The following PRADC1 variants were observed in gnomAD, a reference collection of about 807,000 sequenced individuals.
PRADC1 encodes the protein protease associated domain containing 1, also known as protease-associated domain-containing protein 1.
Under a neutral mutation model 22.9 loss-of-function variants are expected in PRADC1, and 23 were observed. That is an observed-to-expected ratio of 1.00 (90% CI 0.72 to 1.42). The LOEUF is 1.42. Among genes scored for constraint, PRADC1 ranks in the 40% most tolerant of loss-of-function variants. The pLI is 0.00. For missense variants in PRADC1, 207 were observed against 258.3 expected (o/e 0.80, Z 1.36); for synonymous variants, 71 against 100.3 (o/e 0.71, Z 1.75).
In PRADC1 at chr2:73,231,362, AC is replaced by A. The variant is rs748954647; in HGVS notation, c.68-1150del. ...TCTCTATCTCCTGACCTCGTGATCC[AC>A]CCGCCTGGGCCTTCCAAAGTGCTGG... On this transcript the variant is annotated intron_variant, in intron 1 of 4. Transcript: ENST00000258083. 7.3e-5 allele frequency among the ~76,000 whole-genome samples: 11 copies of A among 151,464 alleles called. No homozygotes were observed. The East Asian group carries it at 2.0e-3, about 27-fold the overall frequency.
intron 2 of PRADC1, 92 bp from the exon 3 acceptor site, chr2:73,229,662 A>G: frequency 5.3e-6 from 5 of 943,722 alleles, no homozygotes; most frequent in Non-Finnish European, 8.5e-6. Flanking sequence ...TTGGCACCTT[A>G]TAAAGTGTGA....
intron 1 of PRADC1, 50 bp from the exon 2 acceptor site, chr2:73,230,263 C>T (rs745610274): frequency 7.3e-7 from 1 of 1,365,578 alleles, no homozygotes; most frequent in Non-Finnish European, 1.0e-6. Context: ...CAAGCTGGTT[C>T]AGGTTCAGAT....
rs570411478 is a variant in PRADC1, at chr2:73,233,176, C to T, written c.-16G>A. 3.2e-3 allele frequency: 4,377 copies of T among 1,361,180 alleles called. 120 individuals are homozygous for T. The African/African-American group carries it at 0.058, about 18-fold the overall frequency. The allele number at this position is 1,361,180 out of a possible 1,614,324, so 84.3% of individuals were successfully genotyped here. On this transcript the variant is annotated 5_prime_UTR_variant, in exon 1 of 5. Transcript: ENST00000258083. ...CGGGGACCATCTCCAGGGCCGGGCCCGGCCCGGCGCCGCGTTTCCTCTCGC... is the reference window on the plus strand; with the variant it reads ...CGGGGACCATCTCCAGGGCCGGGCCTGGCCCGGCGCCGCGTTTCCTCTCGC...
rs948083007 is a variant in PRADC1 at position 73,233,222 on chromosome 2, G to C, written c.-62C>G. The C allele has an allele frequency of 3.5e-6, 4 of 1,138,724 alleles. No homozygotes were observed. The highest frequency in any genetic ancestry group is 4.6e-6 in the Non-Finnish European group (4 of 862,304). The allele number at this position is 1,138,724 out of a possible 1,614,324, so 70.5% of individuals were successfully genotyped here. A position where few individuals can be genotyped will look rare whatever the true frequency, so the allele number is the denominator to read the frequency against. Reference sequence around the variant, plus strand: ...CTCGCCGCCCCGCCGCGCGTCGCTCGCAGGACTTCAGCCTGACAGCTGCTC... The same window carrying C: ...CTCGCCGCCCCGCCGCGCGTCGCTCCCAGGACTTCAGCCTGACAGCTGCTC... On this transcript the variant is annotated 5_prime_UTR_variant, in exon 1 of 5. Coordinates refer to ENST00000258083, the MANE Select transcript of PRADC1 (RefSeq NM_032319.3).
chr2:73,230,942 A>C (rs1333021128), intron 1 of PRADC1, among the ~76,000 whole-genome samples: 1 of 151,848 alleles, frequency 6.6e-6, no homozygotes, highest in Admixed American at 6.6e-5. Context: ...CTCCCACGCC[A>C]CCCTACTTCC....
chr2:73,230,224 A>G lies in PRADC1; in HGVS notation c.68-11T>C. On this transcript the variant is annotated splice_polypyrimidine_tract_variant and intron_variant, in intron 1 of 4. Transcript: ENST00000258083. ...CATGGATACGGAAGCCTGAAGGATA[A>G]AGAGTACAGGTAAGAAGCCTCCCAG... 1.9e-6 allele frequency: 3 copies of G among 1,599,476 alleles called. No individual in the cohort carries two copies. The highest frequency in any genetic ancestry group is 2.6e-6 in the Non-Finnish European group (3 of 1,166,762).
At chr2:73,229,678 A>C (rs1406172676) in intron 2 of PRADC1, 108 bp from the exon 3 acceptor site, 1 of 832,654 alleles carries the variant, frequency 1.2e-6, no homozygotes, top group African/African-American at 1.7e-5. Context: ...TGTGAAGGAA[A>C]CATGGAGTGG....
chr2:73,229,045 G>A lies in PRADC1; in HGVS notation c.279-83C>T, dbSNP rs560213956. The A allele has an allele frequency of 5.6e-6, 7 of 1,248,014 alleles. No homozygotes were observed. In the East Asian group the frequency reaches 9.5e-5, roughly 17 times the overall value. 77.3% of individuals were successfully genotyped at this position (1,248,014 alleles called of 1,614,324 possible). On this transcript the variant is annotated intron_variant, in intron 3 of 4. Transcript: ENST00000258083. ...GACCATCACCCTGGGAGTATAGAAG[G>A]CAGACTATGAAGAATCTGTTATAAA...
At chr2:73,229,371 A>G in intron 3 of PRADC1, 90 bp downstream of exon 3, 1 of 935,908 alleles carries the variant, frequency 1.1e-6, no homozygotes. Context: ...GAAATTTTCA[A>G]AAACAGCTCT....
intron 1 of PRADC1, among the ~76,000 whole-genome samples, chr2:73,231,144 G>A (rs1162763564): frequency 6.6e-6 from 1 of 152,192 alleles, no homozygotes; most frequent in Non-Finnish European, 1.5e-5. Flanking sequence ...TTTTGAGACG[G>A]AGTCTCGCTC....
chr2:73,232,180 C>CA (rs1469531310), intron 1 of PRADC1, among the ~76,000 whole-genome samples: 2 of 151,796 alleles, frequency 1.3e-5, no homozygotes, highest in Middle Eastern at 3.4e-3. Flanking sequence ...ACTAAAAATA[C>CA]AAAAAAATTA....
chr2:73,228,126 G>T lies in PRADC1; in HGVS notation c.*328C>A. ...TGAAGGTCACTGTGCAGAGACCCTG[G>T]GTAGGGGAGGCTGGAGCCAGGTGAG... On this transcript the variant is annotated 3_prime_UTR_variant, in exon 5 of 5. Transcript: ENST00000258083. The surrounding 1 kb of genome is among the most constrained non-coding windows in gnomAD (Gnocchi z 4.0). 2.8e-6 allele frequency: 1 copy of T among 359,054 alleles called. No homozygotes were observed. Among genetic ancestry groups the T allele is most frequent in the South Asian group, 3.0e-5 (1 of 33,108 alleles). 22.2% of individuals were successfully genotyped at this position (359,054 alleles called of 1,614,324 possible).
At position 73,233,239 on chromosome 2, in the gene PRADC1, C is replaced by T. The variant is rs1223461875; in HGVS notation, c.-79G>A. ...CGTCGCTCGCAGGACTTCAGCCTGA[C>T]AGCTGCTCCGGCCTCCCGCCCACAT... On this transcript the variant is annotated 5_prime_UTR_variant, in exon 1 of 5. Transcript: ENST00000258083. The T allele has an allele frequency of 1.0e-6, 1 of 999,170 alleles. No individual in the cohort carries two copies. The highest frequency in any genetic ancestry group is 1.7e-5 in the African/African-American group (1 of 58,292). The allele number at this position is 999,170 out of a possible 1,614,324, so 61.9% of individuals were successfully genotyped here. A position where few individuals can be genotyped will look rare whatever the true frequency, so the allele number is the denominator to read the frequency against.
At chr2:73,229,907 C>T (rs1460943347) in intron 2 of PRADC1, 3 of 590,724 alleles carry the variant, frequency 5.1e-6, no homozygotes, top group African/African-American at 3.7e-5. Context: ...AAAAAGACAA[C>T]TTGTCCCTCC....
rs1686568020 is a variant in PRADC1 at position 73,228,719 on chromosome 2, G to A, written c.446+76C>T. 1 of 1,583,590 alleles carries A rather than the reference G, an allele frequency of 6.3e-7. No individual in the cohort carries two copies. Among genetic ancestry groups the A allele is most frequent in the Non-Finnish European group, 8.6e-7 (1 of 1,161,152 alleles). ...CACCCCAAGTTGAGGCCTGCAAGAA[G>A]GGACTGGTGATTACCCCTGACCCAG... On this transcript the variant is annotated intron_variant, in intron 4 of 4. Coordinates refer to ENST00000258083, the MANE Select transcript of PRADC1 (RefSeq NM_032319.3). The surrounding 1 kb of genome is among the most constrained non-coding windows in gnomAD (Gnocchi z 4.0).
chr2:73,233,205 C>T lies in PRADC1; in HGVS notation c.-45G>A. On this transcript the variant is annotated 5_prime_UTR_variant, in exon 1 of 5. Coordinates refer to ENST00000258083, the MANE Select transcript of PRADC1 (RefSeq NM_032319.3). ...CCGGCGCCGCGTTTCCTCTCGCCGC[C>T]CCGCCGCGCGTCGCTCGCAGGACTT... 7.9e-7 allele frequency: 1 copy of T among 1,258,584 alleles called. No individual in the cohort carries two copies. The highest frequency in any genetic ancestry group is 1.8e-5 in the South Asian group (1 of 55,904). 78.0% of individuals were successfully genotyped at this position (1,258,584 alleles called of 1,614,324 possible). A position where few individuals can be genotyped will look rare whatever the true frequency, so the allele number is the denominator to read the frequency against.
Position 73,233,204 on chromosome 2 carries a change from C to A in PRADC1, c.-44G>T. ...CCCGGCGCCGCGTTTCCTCTCGCCG[C>A]CCCGCCGCGCGTCGCTCGCAGGACT... On this transcript the variant is annotated 5_prime_UTR_variant, in exon 1 of 5. Coordinates refer to ENST00000258083, the MANE Select transcript of PRADC1 (RefSeq NM_032319.3). The A allele has an allele frequency of 7.9e-7, 1 of 1,261,802 alleles. No individual in the cohort carries two copies. The highest frequency in any genetic ancestry group is 1.8e-5 in the South Asian group (1 of 55,956). The allele number at this position is 1,261,802 out of a possible 1,614,324, so 78.2% of individuals were successfully genotyped here.
At position 73,228,866 on chromosome 2, in the gene PRADC1, G is replaced by A. The variant is rs766616836; in HGVS notation, c.375C>T (p.Tyr125=). The change falls in exon 4 of 5, where the codon TAC becomes TAT. Residue 125 remains tyrosine, a synonymous_variant. Coordinates refer to ENST00000258083, the MANE Select transcript of PRADC1 (RefSeq NM_032319.3). This position sits in a 1 kb window ranked among gnomAD's most constrained non-coding sequence, Gnocchi z 4.0. ...SDNAVDNDSF[Y]VEMIQDSTQR... is the part of the protein sequence containing the mutation. ...GGGTACTGTCCTGGATCATCTCCAC[G>A]TAGAAGCTGTCATTGTCAACTGCGT... The A allele has an allele frequency of 2.8e-5, 45 of 1,613,338 alleles. No homozygotes were observed. Among genetic ancestry groups the A allele is most frequent in the East Asian group, 1.8e-4 (8 of 44,888 alleles).
At chr2:73,230,954 C>T (rs1686624610) in intron 1 of PRADC1, among the ~76,000 whole-genome samples, 1 of 152,212 alleles carries the variant, frequency 6.6e-6, no homozygotes, top group African/African-American at 2.4e-5. Context: ...CCTACTTCCA[C>T]CCCTTTACCT....
Sources: gnomAD v4.1 joint callset for allele counts (sites outside exome capture counted in the v4.1 genomes callset) on GRCh38, gnomAD v4.1.1 for gene constraint, Gnocchi (gnomAD v3.1) non-coding constraint, MANE v1.5 for transcripts, NCBI Gene and HGNC (gene_info 2026-07-23, HGNC 2026-07-21) for gene names.